The following GAB1 variants were observed in gnomAD, a reference collection of about 807,000 sequenced individuals.
GAB1 encodes the protein GRB2-associated-binding protein 1.
Under a neutral mutation model 66.5 loss-of-function variants are expected in GAB1, and 19 were observed. The observed-to-expected ratio is 0.29, with a 90% CI of 0.20 to 0.42. The LOEUF is 0.42. Ranked by LOEUF, GAB1 falls within the 10% of genes least tolerant of loss-of-function variation. The probability of loss-of-function intolerance (pLI) is 1.00; values close to 1 mark genes in which losing one functional copy is unlikely to be tolerated. For synonymous variants in GAB1, 294 were observed against 301.4 expected (o/e 0.98, Z 0.25); for missense variants, 732 against 858.5 (o/e 0.85, Z 1.84).
intron 1 of GAB1, among the ~76,000 whole-genome samples, chr4:143,370,997 C>T (rs964569242): frequency 4.6e-5 from 7 of 152,210 alleles, no homozygotes; most frequent in East Asian, 1.9e-4. Context: ...TGAATAGTGA[C>T]GCAATAAACA....
chr4:143,469,163 G>T lies in GAB1; in HGVS notation c.2059G>T (p.Glu687Ter). The T allele has an allele frequency of 6.2e-7, 1 of 1,614,086 alleles. No homozygotes were observed. The highest frequency in any genetic ancestry group is 8.5e-7 in the Non-Finnish European group (1 of 1,179,962). ...AGATGGGAGACAGTCCACAGAATCA[G>T]AAACGCCAGCGAAGAGTGTGAAATG... ...WTDGRQSTES[E>*]TPAKSVK is the part of the protein sequence containing the mutation. The change falls in exon 10 of 10, where the codon GAA (glutamate) becomes TAA (stop). Residue 687 changes from glutamate to a stop codon, truncating the protein, a stop_gained. Coordinates refer to ENST00000262994, the MANE Select transcript of GAB1 (RefSeq NM_002039.4). LOFTEE classifies it high-confidence loss of function.
At chr4:143,393,710 G>A (rs1419146694) in intron 1 of GAB1, among the ~76,000 whole-genome samples, 1 of 152,086 alleles carries the variant, frequency 6.6e-6, no homozygotes, top group Non-Finnish European at 1.5e-5. Context: ...CATCAAGAGT[G>A]GAGGGTCATT....
intron 2 of GAB1, chr4:143,425,396 C>T (rs1262542803): frequency 1.3e-6 from 1 of 759,388 alleles, no homozygotes; most frequent in Non-Finnish European, 2.4e-6. Flanking sequence ...CTTCTGGGAG[C>T]CATGGCTTCT....
At chr4:143,385,246 A>C (rs192877445) in intron 1 of GAB1, among the ~76,000 whole-genome samples, 1 of 152,294 alleles carries the variant, frequency 6.6e-6, no homozygotes, top group African/African-American at 2.4e-5. Flanking sequence ...TCCTCACTAG[A>C]TATTAATTAG....
chr4:143,361,153 C>T (rs1040813221), intron 1 of GAB1, among the ~76,000 whole-genome samples: 7 of 151,684 alleles, frequency 4.6e-5, no homozygotes, highest in African/African-American at 7.3e-5. Flanking sequence ...TTTTGCAATA[C>T]GCAACCTTCA....
At chr4:143,361,919 T>TTC (rs747253151) in intron 1 of GAB1, among the ~76,000 whole-genome samples, 30 of 151,478 alleles carry the variant, frequency 2.0e-4, no homozygotes, top group Non-Finnish European at 3.5e-4. Flanking sequence ...TGTGTGGTTT[T>TTC]TTTTTGTTTT....
At chr4:143,464,633 T>C (rs1182599278) in intron 8 of GAB1, among the ~76,000 whole-genome samples, 2 of 152,204 alleles carry the variant, frequency 1.3e-5, no homozygotes, top group Admixed American at 1.3e-4. Context: ...TACAGGTTGT[T>C]TACTGAATAA....
chr4:143,415,119 C>G (rs142836259), intron 1 of GAB1, among the ~76,000 whole-genome samples: 1 of 152,162 alleles, frequency 6.6e-6, no homozygotes, highest in Non-Finnish European at 1.5e-5. Flanking sequence ...GCATAATGTC[C>G]AGCTTCATTC....
chr4:143,454,849 A>G (rs182788844), intron 6 of GAB1, among the ~76,000 whole-genome samples: 111 of 151,844 alleles, frequency 7.3e-4, no homozygotes, highest in African/African-American at 2.6e-3. Flanking sequence ...TTTGAAAATC[A>G]TTCTCCTAGC....
At chr4:143,394,519 A>G (rs891973059) in intron 1 of GAB1, among the ~76,000 whole-genome samples, 10 of 152,226 alleles carry the variant, frequency 6.6e-5, no homozygotes, top group Non-Finnish European at 1.3e-4. Context: ...CATTATATGT[A>G]ACTTGTGTTC....
chr4:143,436,926 A>T (rs1733969463), intron 3 of GAB1, among the ~76,000 whole-genome samples: 1 of 152,162 alleles, frequency 6.6e-6, no homozygotes, highest in African/African-American at 2.4e-5. Flanking sequence ...AGGTTAGAGG[A>T]CTGAACTCTG....
intron 2 of GAB1, among the ~76,000 whole-genome samples, chr4:143,418,949 C>T (rs1732859371): frequency 6.6e-6 from 1 of 152,138 alleles, no homozygotes; most frequent in Non-Finnish European, 1.5e-5. Context: ...CCACTCTGCT[C>T]TGGGAAGGAA....
intron 1 of GAB1, chr4:143,395,784 T>C (rs900574474): frequency 1.7e-5 from 7 of 411,686 alleles, no homozygotes; most frequent in African/African-American, 1.4e-4. Context: ...GCCCCTTCTT[T>C]TAAAGCATAT....
chr4:143,361,768 T>C (rs956382284), intron 1 of GAB1, among the ~76,000 whole-genome samples: 8 of 152,162 alleles, frequency 5.3e-5, no homozygotes. Context: ...TGTACGGTTC[T>C]TACTATTTGT....
intron 6 of GAB1, among the ~76,000 whole-genome samples, chr4:143,441,013 T>C (rs1372327989): frequency 2.0e-5 from 3 of 152,240 alleles, no homozygotes; most frequent in Non-Finnish European, 4.4e-5. Flanking sequence ...GTATAATCTT[T>C]CCATTCTGTT....
intron 9 of GAB1, 103 bp from the exon 10 acceptor site, chr4:143,468,928 A>AG: frequency 7.8e-7 from 1 of 1,287,766 alleles, no homozygotes; most frequent in Non-Finnish European, 1.1e-6. Flanking sequence ...CTTCTCAAAA[A>AG]AAAAAAGTAT....
chr4:143,349,987 T>C (rs1729133475), intron 1 of GAB1: 1 of 1,583,856 alleles, frequency 6.3e-7, no homozygotes, highest in Middle Eastern at 1.9e-4. Flanking sequence ...CCACTCCTTA[T>C]CCTCGGCCTT....
intron 1 of GAB1, chr4:143,395,605 A>G (rs1163456452): frequency 3.9e-6 from 1 of 258,880 alleles, no homozygotes; most frequent in East Asian, 1.3e-4. Flanking sequence ...ATAACTCTGG[A>G]AATTAAAGAC....
At chr4:143,389,464 A>G (rs964134400) in intron 1 of GAB1, among the ~76,000 whole-genome samples, 4 of 152,258 alleles carry the variant, frequency 2.6e-5, no homozygotes, top group Admixed American at 6.5e-5. Flanking sequence ...TGAGTTCAAC[A>G]GCAGGCGCTT....
Sources: gnomAD v4.1 joint callset for allele counts (sites outside exome capture counted in the v4.1 genomes callset) on GRCh38, gnomAD v4.1.1 for gene constraint, MANE v1.5 for transcripts, NCBI Gene and HGNC (gene_info 2026-07-23, HGNC 2026-07-21) for gene names.